CNTN4: variants seen among roughly 807,000 people sequenced by gnomAD.
CNTN4 encodes contactin-4.
Under a neutral mutation model 122.5 loss-of-function variants are expected in CNTN4, and 77 were observed. That is an observed-to-expected ratio of 0.63 (90% CI 0.52 to 0.76). The LOEUF (loss-of-function observed/expected upper bound fraction) is 0.76. Among genes scored for constraint, CNTN4 ranks in the 30% least tolerant of loss-of-function variants. CNTN4 has a pLI of 0.00. For missense variants in CNTN4, 1,256 were observed against 1,259.1 expected (o/e 1.00, Z 0.04); for synonymous variants, 512 against 447.0 (o/e 1.15, Z -1.83).
chr3:2,982,908 A>T (rs993985166), intron 13 of CNTN4, among the ~76,000 whole-genome samples: 57 of 150,642 alleles, frequency 3.8e-4, no homozygotes, highest in African/African-American at 1.2e-3. Context: ...TAATTTTCAC[A>T]TCACTAAAAA....
chr3:2,208,464 A>C (rs2038462451), intron 2 of CNTN4, among the ~76,000 whole-genome samples: 1 of 152,160 alleles, frequency 6.6e-6, no homozygotes, highest in Non-Finnish European at 1.5e-5. Context: ...GGATGAGCAA[A>C]CAAAGTGATT....
intron 12 of CNTN4, among the ~76,000 whole-genome samples, chr3:2,920,583 G>A (rs72997400): frequency 0.14 from 20,629 of 151,910 alleles, 1,813 homozygotes; most frequent in Non-Finnish European, 0.19. Context: ...AACATTTTCT[G>A]TTTTCAAACA....
intron 3 of CNTN4, among the ~76,000 whole-genome samples, chr3:2,450,416 C>T (rs1001256962): frequency 2.6e-5 from 4 of 151,064 alleles, no homozygotes; most frequent in Admixed American, 6.6e-5. Flanking sequence ...AGATGCCAGT[C>T]AGGTGTGTGT....
chr3:2,198,005 A>G (rs970929010), intron 2 of CNTN4, among the ~76,000 whole-genome samples: 12 of 150,266 alleles, frequency 8.0e-5, no homozygotes, highest in Admixed American at 1.3e-4. Context: ...ACAGAGGAAC[A>G]GAGGCAACAG....
intron 6 of CNTN4, among the ~76,000 whole-genome samples, chr3:2,767,669 C>T (rs2090921912): frequency 6.6e-6 from 1 of 152,128 alleles, no homozygotes; most frequent in Admixed American, 6.5e-5. Context: ...TTGAGCGTAC[C>T]AAACTAATCC....
intron 6 of CNTN4, among the ~76,000 whole-genome samples, chr3:2,767,880 TTG>T (rs535000011): frequency 5.9e-5 from 9 of 152,344 alleles, no homozygotes; most frequent in South Asian, 2.1e-4. Context: ...CTCAGTATTT[TTG>T]TGTTTTTTTC....
At chr3:2,274,519 CT>C (rs55959196) in intron 2 of CNTN4, among the ~76,000 whole-genome samples, 42 of 151,012 alleles carry the variant, frequency 2.8e-4, no homozygotes, top group Admixed American at 7.3e-4. Context: ...TCCTTATTTG[CT>C]TTTTTTTTCC....
At chr3:2,392,218 C>T (rs545812172) in intron 3 of CNTN4, among the ~76,000 whole-genome samples, 34 of 152,316 alleles carry the variant, frequency 2.2e-4, no homozygotes, top group Admixed American at 1.6e-3. Flanking sequence ...ACAACTTTCA[C>T]GTCATCCCCT....
At chr3:2,905,229 C>T (rs1047520661) in intron 12 of CNTN4, among the ~76,000 whole-genome samples, 12 of 152,142 alleles carry the variant, frequency 7.9e-5, no homozygotes, top group South Asian at 2.1e-4. Flanking sequence ...AGTTTCCCGA[C>T]GCCAGCAAAC....
At chr3:3,046,248 C>T (rs1409566666) in intron 23 of CNTN4, among the ~76,000 whole-genome samples, 3 of 152,108 alleles carry the variant, frequency 2.0e-5, no homozygotes, top group Non-Finnish European at 2.9e-5. Context: ...GCAAGGCAGG[C>T]CAACATTCAA....
intron 6 of CNTN4, among the ~76,000 whole-genome samples, chr3:2,781,154 A>C (rs1388182138): frequency 3.3e-5 from 5 of 152,214 alleles, no homozygotes; most frequent in African/African-American, 7.2e-5. Flanking sequence ...TATCCACCTA[A>C]ACGAGGAATA....
At chr3:2,858,894 T>A (rs1044687480) in intron 7 of CNTN4, among the ~76,000 whole-genome samples, 3 of 152,220 alleles carry the variant, frequency 2.0e-5, no homozygotes, top group Admixed American at 2.0e-4. Context: ...TTACCTCACA[T>A]ACCATTTTTT....
chr3:2,240,199 C>T (rs1394016372), intron 2 of CNTN4, among the ~76,000 whole-genome samples: 2 of 152,060 alleles, frequency 1.3e-5, no homozygotes, highest in Middle Eastern at 3.2e-3. Flanking sequence ...TTACTCTGGC[C>T]ATTTAAAAAA....
At chr3:2,678,758 C>G (rs1237305531) in intron 4 of CNTN4, among the ~76,000 whole-genome samples, 1 of 152,166 alleles carries the variant, frequency 6.6e-6, no homozygotes, top group Admixed American at 6.5e-5. Flanking sequence ...AGCAAGGAAA[C>G]TTCATCAAAT....
intron 12 of CNTN4, among the ~76,000 whole-genome samples, chr3:2,910,797 C>T (rs1164884941): frequency 6.6e-6 from 1 of 152,166 alleles, no homozygotes; most frequent in Non-Finnish European, 1.5e-5. Flanking sequence ...ATTAGACTGA[C>T]ATTCAAGATT....
At chr3:2,148,978 G>A (rs910475168) in intron 2 of CNTN4, among the ~76,000 whole-genome samples, 2 of 151,578 alleles carry the variant, frequency 1.3e-5, no homozygotes, top group Non-Finnish European at 2.9e-5. Context: ...GTGTTGGGGG[G>A]GTGGTGTCTA....
In CNTN4 at chr3:2,958,594, A is replaced by G. The variant is rs570666454; in HGVS notation, c.1359-29751A>G. ...AAGACAGATAAGTTCTACCCCAAGT[A>G]GCTTACAAAATGTAAGCATTATAAT... On this transcript the variant is annotated intron_variant, in intron 13 of 24. Coordinates refer to ENST00000418658, the MANE Select transcript of CNTN4 (RefSeq NM_175607.3). 1.1e-4 allele frequency among the ~76,000 whole-genome samples: 16 copies of G among 152,322 alleles called. No homozygotes were observed. In the South Asian group the frequency reaches 1.2e-3, roughly 12 times the overall value.
At chr3:2,119,309 G>C (rs1377971236) in intron 2 of CNTN4, among the ~76,000 whole-genome samples, 3 of 152,200 alleles carry the variant, frequency 2.0e-5, no homozygotes, top group Non-Finnish European at 1.5e-5. Flanking sequence ...CTCTCTCCGT[G>C]TATACATCTA....
At chr3:2,310,729 A>T (rs1470272060) in intron 2 of CNTN4, among the ~76,000 whole-genome samples, 1 of 152,088 alleles carries the variant, frequency 6.6e-6, no homozygotes, top group Non-Finnish European at 1.5e-5. Context: ...TACCATGATT[A>T]TCTGTGTATA....
Sources: gnomAD v4.1 joint callset for allele counts (sites outside exome capture counted in the v4.1 genomes callset) on GRCh38, gnomAD v4.1.1 for gene constraint, MANE v1.5 for transcripts, NCBI Gene and HGNC (gene_info 2026-07-23, HGNC 2026-07-21) for gene names.